The following PHKA1 variants were observed in gnomAD, a reference collection of about 807,000 sequenced individuals.
The protein encoded by PHKA1 is phosphorylase kinase regulatory subunit alpha 1.
Under a neutral mutation model 110.2 loss-of-function variants are expected in PHKA1, and 60 were observed. The observed-to-expected ratio is 0.54, with a 90% CI of 0.44 to 0.68. PHKA1 has a LOEUF of 0.68. PHKA1 is among the 30% of genes least tolerant of loss of function. The pLI is 0.00. For missense variants in PHKA1, 801 were observed against 942.5 expected, an observed-to-expected ratio of 0.85 and a Z score of 1.97; for synonymous variants, 316 against 333.6, an observed-to-expected ratio of 0.95 and a Z score of 0.58.
intron 3 of PHKA1, among the ~76,000 whole-genome samples, chrX:72,703,631 C>G (rs1054141070): frequency 3.1e-4 from 35 of 111,532 alleles, no homozygotes; most frequent in African/African-American, 1.1e-3. Context: ...AGTGAGTGAG[C>G]TATGATCATA....
chrX:72,619,163 A>G (rs367666576), intron 20 of PHKA1, 51 bp downstream of exon 20: 80 of 751,277 alleles, frequency 1.1e-4, no homozygotes, highest in Non-Finnish European at 1.5e-4. Flanking sequence ...TTTCCCATAA[A>G]GATGGCAGTT....
At chrX:72,651,259 G>T (rs1035803291) in intron 12 of PHKA1, among the ~76,000 whole-genome samples, 12 of 111,422 alleles carry the variant, frequency 1.1e-4, no homozygotes, top group African/African-American at 3.6e-4. Context: ...ATCACTGGCC[G>T]GGCGCAGTGG....
intron 3 of PHKA1, among the ~76,000 whole-genome samples, chrX:72,702,586 C>T (rs182407943): frequency 2.5e-4 from 28 of 111,418 alleles, no homozygotes; most frequent in Non-Finnish European, 4.7e-4. Context: ...TTCTCCCTTA[C>T]CTCCCCCCAT....
intron 14 of PHKA1, among the ~76,000 whole-genome samples, chrX:72,641,385 T>C (rs2053294104): frequency 9.0e-6 from 1 of 111,557 alleles, no homozygotes; most frequent in Admixed American, 9.6e-5. Context: ...AAACAATTAC[T>C]TTGATTTGAT....
chrX:72,641,044 T>C (rs1038299876), intron 14 of PHKA1, among the ~76,000 whole-genome samples: 5 of 110,458 alleles, frequency 4.5e-5, no homozygotes, highest in Admixed American at 9.6e-5. Context: ...AAAGCAAAAA[T>C]AGAAAAACGT....
intron 6 of PHKA1, among the ~76,000 whole-genome samples, chrX:72,670,143 A>AT (rs1283994154): frequency 2.7e-5 from 3 of 111,442 alleles, no homozygotes; most frequent in African/African-American, 9.8e-5. Context: ...GATGATGAGC[A>AT]TTTTTTCATG....
Position 72,609,723 on chromosome X carries a change from T to C in PHKA1, c.2527-20A>G, listed in dbSNP as rs376482223. 3.6e-6 allele frequency: 4 copies of C among 1,112,901 alleles called. No individual in the cohort carries two copies. In the African/African-American group the frequency reaches 5.4e-5, roughly 15 times the overall value. The allele number at this position is 1,112,901 out of a possible 1,213,427, so 91.7% of individuals were successfully genotyped here. ...GCAGGCCTAACAAGAGATAGCATAA[T>C]ATTATCGTTTCTGTAACACCTCAGG... On this transcript the variant is annotated intron_variant, in intron 22 of 31. Transcript: ENST00000373542.
intron 15 of PHKA1, 33 bp from the exon 16 acceptor site, chrX:72,635,332 T>A (rs781802084): frequency 3.5e-6 from 4 of 1,145,314 alleles, no homozygotes; most frequent in South Asian, 3.7e-5. Context: ...ATTAGATTAA[T>A]TTACTCTCAC....
At chrX:72,651,618 C>T (rs1556299106) in intron 12 of PHKA1, among the ~76,000 whole-genome samples, 1 of 110,429 alleles carries the variant, frequency 9.1e-6, no homozygotes, top group African/African-American at 3.3e-5. Context: ...TTTATCAATG[C>T]CTTTACTTTA....
chrX:72,668,005 C>T (rs868929770), intron 6 of PHKA1, among the ~76,000 whole-genome samples: 32 of 111,412 alleles, frequency 2.9e-4, no homozygotes, highest in African/African-American at 9.8e-4. Flanking sequence ...CTACTTTTTA[C>T]AATTAATAAT....
chrX:72,679,984 G>T (rs781982274), intron 5 of PHKA1, among the ~76,000 whole-genome samples: 2 of 110,700 alleles, frequency 1.8e-5, no homozygotes, highest in Admixed American at 1.9e-4. Context: ...TATCATAATC[G>T]AAGTGTTTAA....
intron 10 of PHKA1, among the ~76,000 whole-genome samples, chrX:72,654,838 C>T (rs2053471374): frequency 2.0e-5 from 2 of 101,249 alleles, no homozygotes; most frequent in Admixed American, 2.1e-4. Flanking sequence ...CGCTCTGTCG[C>T]CCAGGCTGGA....
chrX:72,705,956 A>C (rs781869962), intron 2 of PHKA1, among the ~76,000 whole-genome samples: 11 of 112,109 alleles, frequency 9.8e-5, no homozygotes, highest in Admixed American at 2.8e-4. Flanking sequence ...ATAGCACTGA[A>C]CAGTTTCTCT....
intron 18 of PHKA1, 68 bp from the exon 19 acceptor site, chrX:72,620,969 C>A: frequency 9.1e-7 from 1 of 1,099,362 alleles, no homozygotes; most frequent in Non-Finnish European, 1.2e-6. Context: ...TACAATCTAC[C>A]CCAGCAAAGA....
At chrX:72,585,289 A>C (rs1358038361) in intron 29 of PHKA1, among the ~76,000 whole-genome samples, 1 of 111,692 alleles carries the variant, frequency 9.0e-6, no homozygotes, top group Non-Finnish European at 1.9e-5. Flanking sequence ...AACAGCTATA[A>C]AATTTTTTTA....
intron 2 of PHKA1, among the ~76,000 whole-genome samples, chrX:72,711,483 GC>G (rs2054381779): frequency 9.0e-6 from 1 of 111,127 alleles, no homozygotes; most frequent in South Asian, 3.8e-4. Flanking sequence ...GGTGGCTCAC[GC>G]CTGTAATCCT....
In PHKA1 at chrX:72,713,885, A is replaced by T. The variant is rs1556335966; in HGVS notation, c.-5T>A. ...GGAGTTACTCCGGCTCCTCATGGCGACACGTTACTAATTGTCCTCTGAGAA... is the reference window on the plus strand; with the variant it reads ...GGAGTTACTCCGGCTCCTCATGGCGTCACGTTACTAATTGTCCTCTGAGAA... On this transcript the variant is annotated 5_prime_UTR_variant, in exon 1 of 32. Transcript: ENST00000373542. 2 of 1,190,272 alleles carry T rather than the reference A, an allele frequency of 1.7e-6. No homozygotes were observed. Among genetic ancestry groups the T allele is most frequent in the South Asian group, 1.8e-5 (1 of 56,292 alleles).
chrX:72,598,382 T>C (rs984280795), intron 28 of PHKA1, among the ~76,000 whole-genome samples: 7 of 111,465 alleles, frequency 6.3e-5, no homozygotes, highest in Admixed American at 4.8e-4. Context: ...GTAAAGAAAT[T>C]GGAACTCTCA....
chrX:72,620,829 G>T lies in PHKA1; in HGVS notation c.2033C>A (p.Ala678Asp), dbSNP rs1247275284. The T allele has an allele frequency of 8.3e-7, 1 of 1,210,278 alleles. No individual in the cohort carries two copies. The highest frequency in any genetic ancestry group is 1.7e-5 in the African/African-American group (1 of 57,600). The change falls in exon 19 of 32, where the codon GCC becomes GAC. Residue 678 changes from alanine (A) to aspartate (D), a missense_variant. By Grantham distance (126) the Ala-to-Asp change is moderately radical. Coordinates refer to ENST00000373542, the MANE Select transcript of PHKA1 (RefSeq NM_002637.4). The stretch of plus-strand genomic sequence containing the variant: ...TAGCCCTCCCTTCTGTGAGGTAGGG[G>T]CTAGTTTAGGATGGGGAGCAGTGTG... ...LAHTAPHPKL[A>D]PTSQKGGLDR...
Sources: gnomAD v4.1 joint callset for allele counts (sites outside exome capture counted in the v4.1 genomes callset) on GRCh38, gnomAD v4.1.1 for gene constraint, MANE v1.5 for transcripts, NCBI Gene and HGNC (gene_info 2026-07-23, HGNC 2026-07-21) for gene names.